Variants in HDX observed in about 807,000 individuals in gnomAD.
HDX encodes highly divergent homeobox.
HDX carries 19 observed loss-of-function variants against 45.2 expected under a neutral mutation model. That is an observed-to-expected ratio of 0.42 (90% confidence interval 0.29 to 0.62). The LOEUF is 0.62. Among genes scored for constraint, HDX ranks in the 20% least tolerant of loss-of-function variants. The pLI is 0.20. For synonymous variants in HDX, 188 were observed against 172.8 expected (o/e 1.09, Z -0.69); for missense variants, 532 against 493.9 (o/e 1.08, Z -0.73).
chrX:84,384,685 T>A (rs957838349), intron 5 of HDX, among the ~76,000 whole-genome samples: 4 of 110,997 alleles, frequency 3.6e-5, no homozygotes, highest in Non-Finnish European at 5.7e-5. Flanking sequence ...CTTTAATACA[T>A]CTTGAGTTAA....
chrX:84,454,943 T>C lies in HDX; in HGVS notation c.1251+13529A>G, dbSNP rs1034542578. On this transcript the variant is annotated intron_variant, in intron 4 of 10. Transcript: ENST00000373177. ...GTCTCTGCTTGGTAATCCAGATGGT[T>C]CTTCTGGATCTTATCCAAGACCACT... is the stretch of plus-strand genomic sequence containing the variant. Among the ~76,000 whole-genome samples the C allele has an allele frequency of 4.5e-5, 5 of 110,521 alleles. No individual in the cohort carries two copies. In the Admixed American group the frequency reaches 4.8e-4, roughly 11 times the overall value.
chrX:84,405,075 T>G (rs754675283), intron 5 of HDX, among the ~76,000 whole-genome samples: 3 of 111,105 alleles, frequency 2.7e-5, no homozygotes, highest in Non-Finnish European at 5.7e-5. Flanking sequence ...TTTTTGTGTA[T>G]AGTGAATATT....
rs1418514793 is a variant in HDX, at chrX:84,454,941, G to C, written c.1251+13531C>G. 2.7e-5 allele frequency among the ~76,000 whole-genome samples: 3 copies of C among 110,563 alleles called. No homozygotes were observed. In the East Asian group the frequency reaches 8.6e-4, roughly 32 times the overall value. ...GAGTCTCTGCTTGGTAATCCAGATG[G>C]TTCTTCTGGATCTTATCCAAGACCA... On this transcript the variant is annotated intron_variant, in intron 4 of 10. Coordinates refer to ENST00000373177, the MANE Select transcript of HDX (RefSeq NM_001177479.2).
chrX:84,322,132 T>A (rs2036610521), intron 10 of HDX, 118 bp from the exon 11 acceptor site: 3 of 457,822 alleles, frequency 6.6e-6, no homozygotes, highest in Non-Finnish European at 1.0e-5. Context: ...GAATAATTTA[T>A]ATTTCAGGAT....
intron 9 of HDX, among the ~76,000 whole-genome samples, chrX:84,329,728 G>T (rs1310757226): frequency 1.8e-5 from 2 of 111,500 alleles, no homozygotes; most frequent in Non-Finnish European, 1.9e-5. Flanking sequence ...CCCAAAGGGG[G>T]GAAATAAAAC....
intron 5 of HDX, among the ~76,000 whole-genome samples, chrX:84,386,102 T>C (rs2038315023): frequency 9.0e-6 from 1 of 111,072 alleles, no homozygotes; most frequent in South Asian, 3.8e-4. Flanking sequence ...TATGTGTATA[T>C]TGAGATGATT....
chrX:84,382,424 C>T (rs888542696), intron 5 of HDX, among the ~76,000 whole-genome samples: 2 of 111,336 alleles, frequency 1.8e-5, no homozygotes, highest in South Asian at 7.4e-4. Flanking sequence ...TTTACAATAG[C>T]CAAAATTTGG....
At chrX:84,456,891 C>T (rs1435919220) in intron 4 of HDX, among the ~76,000 whole-genome samples, 2 of 111,251 alleles carry the variant, frequency 1.8e-5, no homozygotes, top group African/African-American at 3.3e-5. Flanking sequence ...TATATTATTT[C>T]GGGTAAAGAG....
chrX:84,328,878 T>C (rs763360611), intron 9 of HDX, among the ~76,000 whole-genome samples: 1 of 111,917 alleles, frequency 8.9e-6, no homozygotes, highest in South Asian at 3.8e-4. Flanking sequence ...CCCAAGGTGG[T>C]TGGGCCACCA....
At position 84,405,588 on chromosome X, in the gene HDX, C is replaced by CTT. The variant is rs55758874; in HGVS notation, c.1305+34942_1305+34943dup. On this transcript the variant is annotated intron_variant, in intron 5 of 10. Transcript: ENST00000373177. ...GTAGCATTGACTACTGGATTTTCTG[C>CTT]TTTTTTTTTTTTTTTTTTGCTTTTC... Among the ~76,000 whole-genome samples the CTT allele has an allele frequency of 3.6e-3, 212 of 58,151 alleles. 3 individuals are homozygous for CTT. The highest frequency in any genetic ancestry group is 0.011 in the African/African-American group (167 of 15,895). The allele number at this position is 58,151 out of a possible 115,157, so 50.5% of individuals were successfully genotyped here.
At chrX:84,390,078 T>C (rs1439225427) in intron 5 of HDX, among the ~76,000 whole-genome samples, 2 of 110,356 alleles carry the variant, frequency 1.8e-5, no homozygotes, top group Non-Finnish European at 3.8e-5. Flanking sequence ...CACCCTCATA[T>C]ATTTCTCTCC....
intron 1 of HDX, among the ~76,000 whole-genome samples, chrX:84,501,681 T>G (rs2041120729): frequency 8.9e-6 from 1 of 112,421 alleles, no homozygotes; most frequent in Non-Finnish European, 1.9e-5. Flanking sequence ...AGGCTCATTT[T>G]GAAGCTGGAT....
In HDX at chrX:84,393,568, C is replaced by T. The variant is rs963572129; in HGVS notation, c.1306-31956G>A. ...GAGTTAAAGAGAATTCATTCTTCTT[C>T]AATTTCTTGGCATATTTTGAGAGGA... On this transcript the variant is annotated intron_variant, in intron 5 of 10. Transcript: ENST00000373177. 3.1e-4 allele frequency among the ~76,000 whole-genome samples: 34 copies of T among 110,649 alleles called. 1 individual carries two copies. The highest frequency in any genetic ancestry group is 1.0e-3 in the African/African-American group (32 of 30,561).
chrX:84,361,422 G>A (rs2037619831), intron 6 of HDX, 44 bp downstream of exon 6: 1 of 1,139,483 alleles, frequency 8.8e-7, no homozygotes, highest in African/African-American at 1.8e-5. Context: ...TTTCATTTAT[G>A]CCATTCAGCA....
chrX:84,440,588 G>T lies in HDX; in HGVS notation c.1252-3C>A. The T allele has an allele frequency of 8.7e-7, 1 of 1,153,687 alleles. No homozygotes were observed. Among genetic ancestry groups the T allele is most frequent in the Non-Finnish European group, 1.2e-6 (1 of 846,084 alleles). On this transcript the variant is annotated splice_region_variant and splice_polypyrimidine_tract_variant and intron_variant, in intron 4 of 10. Coordinates refer to ENST00000373177, the MANE Select transcript of HDX (RefSeq NM_001177479.2). Reference sequence around the variant, plus strand: ...GGCACAGTAAGGTTTCCTGAAATCTGTGAAAACAATAAATGGAATCTCAGT... The same window carrying T: ...GGCACAGTAAGGTTTCCTGAAATCTTTGAAAACAATAAATGGAATCTCAGT...
Position 84,344,259 on chromosome X carries a change from T to C in HDX, c.1651A>G (p.Ser551Gly). The change falls in exon 7 of 11, where the codon AGC (serine) becomes GGC (glycine). Residue 551 changes from serine to glycine, a missense_variant. By Grantham distance (56) the Ser-to-Gly change is moderately conservative. Transcript: ENST00000373177. ...TCAGCATATAAAGTACCTTGAGAGC[T>C]TCCTTCAGACAAACAGATGGATACT... ...DEVSICLSEG[S>G]SQEEPNEVVP... 5.8e-6 allele frequency: 7 copies of C among 1,197,787 alleles called. No homozygotes were observed. Among genetic ancestry groups the C allele is most frequent in the Non-Finnish European group, 7.9e-6 (7 of 883,587 alleles).
chrX:84,331,065 G>T (rs1027598876), intron 9 of HDX, among the ~76,000 whole-genome samples: 4 of 111,574 alleles, frequency 3.6e-5, no homozygotes, highest in African/African-American at 1.3e-4. Flanking sequence ...GAGAACTCCA[G>T]TTTCCACATT....
At chrX:84,354,990 C>T (rs1214929317) in intron 6 of HDX, among the ~76,000 whole-genome samples, 2 of 96,568 alleles carry the variant, frequency 2.1e-5, no homozygotes, top group South Asian at 5.0e-4. Context: ...CATACACACA[C>T]GCACACACAC....
At chrX:84,341,040 A>T (rs1458004897) in intron 7 of HDX, among the ~76,000 whole-genome samples, 7 of 111,121 alleles carry the variant, frequency 6.3e-5, no homozygotes, top group Non-Finnish European at 1.3e-4. Flanking sequence ...TTCTAAAATT[A>T]TCTTTTAGGT....
Sources: gnomAD v4.1 joint callset for allele counts (sites outside exome capture counted in the v4.1 genomes callset) on GRCh38, gnomAD v4.1.1 for gene constraint, MANE v1.5 for transcripts, NCBI Gene and HGNC (gene_info 2026-07-23, HGNC 2026-07-21) for gene names.